Variants in GNAS-AS1 observed in about 807,000 individuals in gnomAD.
GNAS-AS1 encodes GNAS antisense RNA 1 (non-protein coding).
At chr20:58,835,901 T>C (rs2085599350) in intron 4 of GNAS-AS1, among the ~76,000 whole-genome samples, 1 of 151,676 alleles carries the variant, frequency 6.6e-6, no homozygotes, top group African/African-American at 2.4e-5. Context: ...AAGTGATGAG[T>C]TGTGGAGCAA....
At chr20:58,846,234 G>A (rs897025927) in intron 2 of GNAS-AS1, among the ~76,000 whole-genome samples, 2 of 152,172 alleles carry the variant, frequency 1.3e-5, no homozygotes, top group East Asian at 1.9e-4. Flanking sequence ...GTCGTTTGAA[G>A]GAATAAAGAG....
At chr20:58,842,142 T>C (rs2145482152) in exon 4 of GNAS-AS1, 1 of 399,060 alleles carries the variant, frequency 2.5e-6, no homozygotes, top group Non-Finnish European at 4.4e-6. Flanking sequence ...GAATCTGCTC[T>C]GATGACCCAG....
At chr20:58,849,222 T>C (rs2086055425) in intron 1 of GNAS-AS1, among the ~76,000 whole-genome samples, 1 of 152,060 alleles carries the variant, frequency 6.6e-6, no homozygotes, top group Admixed American at 6.6e-5. Context: ...CAACAAAGAA[T>C]TGCCTGGCCC....
In GNAS-AS1 at chr20:58,841,743, G is replaced by C. The variant is rs1380110369; in HGVS notation, n.819+194C>G. 2 of 1,227,440 alleles carry C rather than the reference G, an allele frequency of 1.6e-6. No individual in the cohort carries two copies. Among genetic ancestry groups the C allele is most frequent in the Non-Finnish European group, 2.0e-6 (2 of 985,720 alleles). 76.0% of individuals were successfully genotyped at this position (1,227,440 alleles called of 1,614,324 possible). On this transcript the variant is annotated intron_variant and non_coding_transcript_variant, in intron 4 of 4. Coordinates refer to ENST00000424094, the Ensembl canonical transcript of GNAS-AS1. The surrounding 1 kb of genome is among the most constrained non-coding windows in gnomAD (Gnocchi z 5.0). ...CTACCAGGGTTGAACGCACAGGCAT[G>C]GTCACGTCGGGGTATTGCCAAGCTT...
At position 58,841,957 on chromosome 20, in the gene GNAS-AS1, G is replaced by A. The variant is rs747997073; in HGVS notation, n.799C>T. ...CTTACAATTCGTTTCCAAAGAGCGCGGTACGCGCAGAGCTGGGGAAAGGTG... is the reference window on the plus strand; with the variant it reads ...CTTACAATTCGTTTCCAAAGAGCGCAGTACGCGCAGAGCTGGGGAAAGGTG... On this transcript the variant is annotated non_coding_transcript_exon_variant, in exon 4 of 5. Coordinates refer to ENST00000424094, the Ensembl canonical transcript of GNAS-AS1. The surrounding 1 kb of genome is among the most constrained non-coding windows in gnomAD (Gnocchi z 5.0). The A allele has an allele frequency of 6.2e-6, 7 of 1,132,596 alleles. No individual in the cohort carries two copies. Among genetic ancestry groups the A allele is most frequent in the Non-Finnish European group, 7.8e-6 (7 of 897,426 alleles). The allele number at this position is 1,132,596 out of a possible 1,614,324, so 70.2% of individuals were successfully genotyped here.
At chr20:58,839,535 GCCA>G in intron 4 of GNAS-AS1, 1 of 404,922 alleles carries the variant, frequency 2.5e-6, no homozygotes. Flanking sequence ...CTTGCTCCTT[GCCA>G]CCCGCCAGGC....
rs1230355075 is a variant in GNAS-AS1, at chr20:58,830,597, CCACCACCATCACCACCA to C, written n.819+11323_819+11339del. Among the ~76,000 whole-genome samples the C allele has an allele frequency of 3.2e-3, 430 of 134,952 alleles. 6 individuals carry two copies. The highest frequency in any genetic ancestry group is 0.012 in the African/African-American group (395 of 33,066). The allele number at this position is 134,952 out of a possible 152,430, so 88.5% of individuals were successfully genotyped here. On this transcript the variant is annotated intron_variant and non_coding_transcript_variant, in intron 4 of 4. Transcript: ENST00000424094. ...CACACCACCACCACCACAATCACCACCACCACCATCACCACCACACCACCATCACCACCACCGCCACA... is the reference window on the plus strand; with the variant it reads ...CACACCACCACCACCACAATCACCACCACCACCATCACCACCACCGCCACA...
At chr20:58,839,208 C>T (rs1600652051) in intron 4 of GNAS-AS1, 1 of 398,636 alleles carries the variant, frequency 2.5e-6, no homozygotes, top group East Asian at 3.6e-5. Flanking sequence ...CCAATTCAGA[C>T]TGTTTGAGCA....
chr20:58,846,868 A>T (rs1002248900), intron 2 of GNAS-AS1, among the ~76,000 whole-genome samples: 3 of 152,202 alleles, frequency 2.0e-5, no homozygotes, highest in Admixed American at 6.5e-5. Context: ...GAATTGCAGA[A>T]ATTTTAAGCA....
chr20:58,830,001 T>C (rs1432062243), intron 4 of GNAS-AS1, among the ~76,000 whole-genome samples: 1 of 152,070 alleles, frequency 6.6e-6, no homozygotes, highest in East Asian at 1.9e-4. Context: ...AAGAATCCAC[T>C]AAAAGAGAAC....
Position 58,841,715 on chromosome 20 carries a change from G to A in GNAS-AS1, n.819+222C>T, listed in dbSNP as rs1003197877. 32 of 1,217,910 alleles carry A rather than the reference G, an allele frequency of 2.6e-5. No individual in the cohort carries two copies. Among genetic ancestry groups the A allele is most frequent in the Non-Finnish European group, 3.3e-5 (32 of 979,526 alleles). 75.4% of individuals were successfully genotyped at this position (1,217,910 alleles called of 1,614,324 possible). A position where few individuals can be genotyped will look rare whatever the true frequency, so the allele number is the denominator to read the frequency against. On this transcript the variant is annotated intron_variant and non_coding_transcript_variant, in intron 4 of 4. Transcript: ENST00000424094. The surrounding 1 kb of genome is among the most constrained non-coding windows in gnomAD (Gnocchi z 5.0). ...AGGGGACCCTTGGGGATGCCCCTAC[G>A]GGCTACCAGGGTTGAACGCACAGGC...
chr20:58,847,894 C>CA (rs2145516210), intron 2 of GNAS-AS1, among the ~76,000 whole-genome samples: 1 of 152,286 alleles, frequency 6.6e-6, no homozygotes, highest in East Asian at 1.9e-4. Flanking sequence ...AGTAGAAACA[C>CA]AATTACTCGT....
chr20:58,849,525 A>G (rs535523790), intron 1 of GNAS-AS1, among the ~76,000 whole-genome samples: 2 of 152,198 alleles, frequency 1.3e-5, no homozygotes, highest in South Asian at 4.1e-4. Flanking sequence ...CTTTCCTCCC[A>G]GAAAATGGGC....
chr20:58,826,871 T>TTTTTTTTTTTTTTG (rs2085524725), intron 4 of GNAS-AS1: 1 of 142,672 alleles, frequency 7.0e-6, no homozygotes. Context: ...GGCTTTTTTT[T>TTTTTTTTTTTTTTG]TTTTTTTTTT....
In GNAS-AS1 at chr20:58,840,622, C is replaced by T. The variant is rs953102685; in HGVS notation, n.819+1315G>A. 2 of 1,607,870 alleles carry T rather than the reference C, an allele frequency of 1.2e-6. No homozygotes were observed. Among genetic ancestry groups the T allele is most frequent in the African/African-American group, 1.3e-5 (1 of 74,834 alleles). On this transcript the variant is annotated intron_variant and non_coding_transcript_variant, in intron 4 of 4. Transcript: ENST00000424094. The surrounding 1 kb of genome is among the most constrained non-coding windows in gnomAD (Gnocchi z 6.0). ...ACGCTCTCAAGTTGCGAAGCCCCGA[C>T]GCCTCCCCAAGTCGCGCGCCGCCCA...
intron 4 of GNAS-AS1, among the ~76,000 whole-genome samples, chr20:58,837,261 T>TGG (rs2085609799): frequency 6.6e-6 from 1 of 152,114 alleles, no homozygotes; most frequent in African/African-American, 2.4e-5. Flanking sequence ...AGAAATAAAG[T>TGG]GGGTGGGTCA....
intron 4 of GNAS-AS1, among the ~76,000 whole-genome samples, chr20:58,820,979 G>A (rs1031998918): frequency 6.6e-6 from 1 of 152,186 alleles, no homozygotes; most frequent in Non-Finnish European, 1.5e-5. Flanking sequence ...TACCCAATGT[G>A]GGGCAGCTCA....
Position 58,839,615 on chromosome 20 carries a change from A to G in GNAS-AS1, n.819+2322T>C, listed in dbSNP as rs1001217190. 113 of 413,620 alleles carry G rather than the reference A, an allele frequency of 2.7e-4. 1 individual carries two copies. The East Asian group carries it at 3.8e-3, about 14-fold the overall frequency. The allele number at this position is 413,620 out of a possible 1,614,324, so 25.6% of individuals were successfully genotyped here. On this transcript the variant is annotated intron_variant and non_coding_transcript_variant, in intron 4 of 4. Coordinates refer to ENST00000424094, the Ensembl canonical transcript of GNAS-AS1. ...CCCTCCTGCCACCTGCCGGCCCACT[A>G]GGGTCTGCGCCACAGGCTCGGCGCC...
chr20:58,843,872 A>C (rs904606669), intron 2 of GNAS-AS1, among the ~76,000 whole-genome samples: 1 of 152,196 alleles, frequency 6.6e-6, no homozygotes, highest in Non-Finnish European at 1.5e-5. Flanking sequence ...TGTAGGTTTA[A>C]AGTTTTGCAA....
Sources: gnomAD v4.1 joint callset for allele counts (sites outside exome capture counted in the v4.1 genomes callset) on GRCh38, gnomAD v4.1.1 for gene constraint, Gnocchi (gnomAD v3.1) non-coding constraint, MANE v1.5 for transcripts, NCBI Gene and HGNC (gene_info 2026-07-23, HGNC 2026-07-21) for gene names.